Variants in SCAMP4 observed in about 807,000 individuals in gnomAD.
The protein encoded by SCAMP4 is secretory carrier membrane protein 4.
A neutral mutation model predicts 32.1 loss-of-function variants in SCAMP4; 19 were observed. That is an observed-to-expected ratio of 0.59 (90% CI 0.41 to 0.87). SCAMP4 has a LOEUF of 0.87. Ranked by LOEUF, SCAMP4 falls within the 40% of genes least tolerant of loss-of-function variation. SCAMP4 has a pLI of 0.00. For missense variants in SCAMP4, 302 were observed against 309.0 expected (o/e 0.98, Z 0.17); for synonymous variants, 152 against 132.7 (o/e 1.15, Z -1.00).
chr19:1,919,558 G>A lies in SCAMP4; in HGVS notation c.395+568G>A, dbSNP rs2013853593. On this transcript the variant is annotated intron_variant, in intron 5 of 6. Transcript: ENST00000316097. ...GTCACCCAGGCTGGGGCGCAGTGGT[G>A]CAATCTCAGCTCACTGCAACCTCCA... The A allele has an allele frequency of 1.3e-5, 8 of 639,852 alleles. No individual in the cohort carries two copies. In the South Asian group the frequency reaches 4.9e-4, roughly 39 times the overall value. 39.6% of individuals were successfully genotyped at this position (639,852 alleles called of 1,614,324 possible).
intron 5 of SCAMP4, chr19:1,922,332 TCACTGCAGCCTCC>T (rs1409212811): frequency 1.1e-6 from 1 of 891,726 alleles, no homozygotes; most frequent in African/African-American, 1.8e-5. Context: ...CGATCTCGGC[TCACTGCAGCCTCC>T]CGCTTCAGCC....
At chr19:1,912,068 C>CT in intron 1 of SCAMP4, 1 of 1,439,804 alleles carries the variant, frequency 6.9e-7, no homozygotes, top group Non-Finnish European at 9.1e-7. Context: ...GCTCCCGTCT[C>CT]TGTCTCCCAC....
rs534419050 is a variant in SCAMP4 at position 1,910,299 on chromosome 19, C to T, written c.-41-4680C>T. Among the ~76,000 whole-genome samples, 9 of 152,314 alleles carry T rather than the reference C, an allele frequency of 5.9e-5. No homozygotes were observed. The South Asian group carries it at 1.9e-3, about 32-fold the overall frequency. On this transcript the variant is annotated intron_variant, in intron 1 of 6. Coordinates refer to ENST00000316097, the MANE Select transcript of SCAMP4 (RefSeq NM_079834.4). Reference sequence around the variant, plus strand: ...AATTCAGCAGCTTGCGGCCGGGGGACCAAGGGTCCTGCTCAGTTCCTGGCC... The same window carrying T: ...AATTCAGCAGCTTGCGGCCGGGGGATCAAGGGTCCTGCTCAGTTCCTGGCC...
chr19:1,910,628 G>C lies in SCAMP4; in HGVS notation c.-41-4351G>C, dbSNP rs1450292763. On this transcript the variant is annotated intron_variant, in intron 1 of 6. Transcript: ENST00000316097. ...AGTCTCGCTCTGTCACCAGGCTGGA[G>C]TGCAGTGGCACGATCTCGGCTCACT... Among the ~76,000 whole-genome samples, 9 of 145,728 alleles carry C rather than the reference G, an allele frequency of 6.2e-5. No individual in the cohort carries two copies. In the East Asian group the frequency reaches 1.9e-3, roughly 30 times the overall value.
Position 1,912,263 on chromosome 19 carries a change from C to G in SCAMP4, c.-41-2716C>G, listed in dbSNP as rs140122850. The G allele has an allele frequency of 4.8e-4, 773 of 1,594,736 alleles. 2 individuals are homozygous for G. The African/African-American group carries it at 9.0e-3, about 19-fold the overall frequency. Reference sequence around the variant, plus strand: ...CGCCCGTCCTGGACAAGCGCCAGACCTCACGCCTCCTGAAGGAGGTGTCGG... The same window carrying G: ...CGCCCGTCCTGGACAAGCGCCAGACGTCACGCCTCCTGAAGGAGGTGTCGG... On this transcript the variant is annotated intron_variant, in intron 1 of 6. Coordinates refer to ENST00000316097, the MANE Select transcript of SCAMP4 (RefSeq NM_079834.4).
Position 1,914,973 on chromosome 19 carries a change from T to A in SCAMP4, c.-41-6T>A, listed in dbSNP as rs372654434. 1.7e-5 allele frequency: 28 copies of A among 1,613,378 alleles called. No homozygotes were observed. Among genetic ancestry groups the A allele is most frequent in the Non-Finnish European group, 2.4e-5 (28 of 1,179,470 alleles). On this transcript the variant is annotated splice_polypyrimidine_tract_variant and splice_region_variant and intron_variant, in intron 1 of 6. Transcript: ENST00000316097. ...GGTTCCCTGACTGTGGTTGTCTTCC[T>A]TCCAGGCGGCTGCAGGCTTCAGCCT...
chr19:1,906,856 A>C (rs930392892), intron 1 of SCAMP4: 2 of 74,970 alleles, frequency 2.7e-5, no homozygotes, highest in Non-Finnish European at 4.8e-5. Flanking sequence ...GTCTCAAAAA[A>C]AAAAAAAAAT....
At position 1,918,194 on chromosome 19, in the gene SCAMP4, G is replaced by T; in HGVS notation, c.204G>T (p.Gly68=). The T allele has an allele frequency of 6.2e-7, 1 of 1,612,534 alleles. No individual in the cohort carries two copies. Among genetic ancestry groups the T allele is most frequent in the Non-Finnish European group, 8.5e-7 (1 of 1,179,830 alleles). ...CLAWWIGGGS[G]TNFGLAFVWL... is the part of the protein sequence containing the mutation. The stretch of plus-strand genomic sequence containing the variant: ...CCTGGTGGATCGGCGGAGGCTCGGG[G>T]ACCAACTTCGGCCTGGCCTTCGTGT... Residue 68 remains glycine (G), a synonymous_variant, in exon 4 of 7, where the codon GGG becomes GGT. Coordinates refer to ENST00000316097, the MANE Select transcript of SCAMP4 (RefSeq NM_079834.4).
intron 1 of SCAMP4, chr19:1,912,701 G>A (rs1437101199): frequency 8.1e-6 from 12 of 1,488,692 alleles, no homozygotes; most frequent in Admixed American, 2.3e-5. Flanking sequence ...TAGTGGACCC[G>A]GCCTCGGACC....
rs114349190 is a variant in SCAMP4 at position 1,924,672 on chromosome 19, G to C, written c.*388G>C. ...GTCCTCCCAGAGCTGCTGGCGCTGA[G>C]GTCAGAGCGGGTCTGATGGGGAGCT... On this transcript the variant is annotated 3_prime_UTR_variant, in exon 7 of 7. Transcript: ENST00000316097. 4.6e-3 allele frequency: 1,072 copies of C among 232,146 alleles called. 10 individuals are homozygous for C. The highest frequency in any genetic ancestry group is 0.022 in the African/African-American group (1,012 of 45,668). 14.4% of individuals were successfully genotyped at this position (232,146 alleles called of 1,614,324 possible).
Position 1,918,305 on chromosome 19 carries a change from C to T in SCAMP4, c.293+22C>T, listed in dbSNP as rs755077108. 3.1e-5 allele frequency: 49 copies of T among 1,571,428 alleles called. No homozygotes were observed. The South Asian group carries it at 3.9e-4, about 13-fold the overall frequency. ...TCCGGTGAGCAGAGCTGCCGGGGGC[C>T]GTCTGCACCCAGAGGGAACCAGGGC... On this transcript the variant is annotated intron_variant, in intron 4 of 6. Coordinates refer to ENST00000316097, the MANE Select transcript of SCAMP4 (RefSeq NM_079834.4).
At position 1,908,179 on chromosome 19, in the gene SCAMP4, C is replaced by T. The variant is rs973322124; in HGVS notation, c.-42+2740C>T. 3 of 269,354 alleles carry T rather than the reference C, an allele frequency of 1.1e-5. No individual in the cohort carries two copies. Among genetic ancestry groups the T allele is most frequent in the African/African-American group, 4.7e-5 (2 of 42,824 alleles). 16.7% of individuals were successfully genotyped at this position (269,354 alleles called of 1,614,324 possible). On this transcript the variant is annotated intron_variant, in intron 1 of 6. Coordinates refer to ENST00000316097, the MANE Select transcript of SCAMP4 (RefSeq NM_079834.4). This position sits in a 1 kb window ranked among gnomAD's most constrained non-coding sequence, Gnocchi z 4.2. Reference sequence around the variant, plus strand: ...TGCGTTTTGGGAGGGCCCAGCGAGTCGGCTGCTATGGGCCCCACCTGGCAC... The same window carrying T: ...TGCGTTTTGGGAGGGCCCAGCGAGTTGGCTGCTATGGGCCCCACCTGGCAC...
intron 5 of SCAMP4, chr19:1,920,846 C>T (rs982579528): frequency 2.4e-5 from 24 of 985,532 alleles, no homozygotes; most frequent in Non-Finnish European, 2.9e-5. Context: ...GAGATCCCGG[C>T]ATGAGGTGAG....
intron 5 of SCAMP4, chr19:1,921,606 C>T (rs1056949545): frequency 4.2e-5 from 41 of 985,374 alleles, no homozygotes; most frequent in East Asian, 2.3e-4. Context: ...GCTGCGGGGG[C>T]GGCGGCAGGA....
At chr19:1,912,466 TCC>T in intron 1 of SCAMP4, 1 of 1,503,914 alleles carries the variant, frequency 6.6e-7, no homozygotes, top group Non-Finnish European at 8.8e-7. Context: ...GGGCAACCCT[TCC>T]TGGTGCCCGT....
At chr19:1,909,285 AG>A (rs2013308260) in intron 1 of SCAMP4, among the ~76,000 whole-genome samples, 1 of 152,118 alleles carries the variant, frequency 6.6e-6, no homozygotes, top group Admixed American at 6.5e-5. Context: ...GCTGTCCCCC[AG>A]GGCCCTGTGA....
intron 1 of SCAMP4, chr19:1,907,020 T>C (rs1315017301): frequency 6.6e-6 from 1 of 151,664 alleles, no homozygotes; most frequent in Non-Finnish European, 1.5e-5. Context: ...ATCCCACCTC[T>C]ACTAAAAATA....
intron 5 of SCAMP4, chr19:1,920,650 G>C: frequency 1.0e-6 from 1 of 985,532 alleles, no homozygotes; most frequent in Non-Finnish European, 1.2e-6. Flanking sequence ...TCCTGCAGAG[G>C]CTGTGGCTGC....
At chr19:1,919,909 A>G (rs2013866428) in intron 5 of SCAMP4, among the ~76,000 whole-genome samples, 1 of 151,568 alleles carries the variant, frequency 6.6e-6, no homozygotes, top group Non-Finnish European at 1.5e-5. Context: ...TCCCAGGTTC[A>G]AGCGATTCTC....
Sources: allele counts gnomAD v4.1 joint callset (sites outside exome capture counted in the v4.1 genomes callset), GRCh38; gene constraint gnomAD v4.1.1; non-coding constraint Gnocchi (gnomAD v3.1); transcripts MANE v1.5; gene names NCBI Gene and HGNC (gene_info 2026-07-23, HGNC 2026-07-21).